PNPLA3: variants seen among roughly 807,000 people sequenced by gnomAD.
The protein encoded by PNPLA3 is patatin like domain 3, 1-acylglycerol-3-phosphate O-acyltransferase, also known as 1-acylglycerol-3-phosphate O-acyltransferase PNPLA3.
In PNPLA3, 42 loss-of-function variants were observed where a neutral mutation model predicts 43.1. That is an observed-to-expected ratio of 0.97 (90% CI 0.76 to 1.26). The LOEUF is 1.26. Ranked by LOEUF, PNPLA3 falls within the 50% of genes most tolerant of loss-of-function variation. PNPLA3 has a pLI of 0.00. For missense variants in PNPLA3, 647 were observed against 621.4 expected, an observed-to-expected ratio of 1.04 and a Z score of -0.44; for synonymous variants, 272 against 253.6, an observed-to-expected ratio of 1.07 and a Z score of -0.69.
chr22:43,932,796 C>A, intron 3 of PNPLA3, 82 bp from the exon 4 acceptor site: 1 of 1,288,416 alleles, frequency 7.8e-7, no homozygotes, highest in Non-Finnish European at 1.1e-6. Flanking sequence ...GAAGCTCTGC[C>A]CACATGTGAA....
Position 43,923,897 on chromosome 22 carries a change from C to CCCG in PNPLA3, c.-3_-1dup, listed in dbSNP as rs758239071. 24 of 1,500,922 alleles carry CCCG rather than the reference C, an allele frequency of 1.6e-5. No individual in the cohort carries two copies. Among genetic ancestry groups the CCCG allele is most frequent in the South Asian group, 3.8e-5 (3 of 78,014 alleles). 93.0% of individuals were successfully genotyped at this position (1,500,922 alleles called of 1,614,324 possible). A position where few individuals can be genotyped will look rare whatever the true frequency, so the allele number is the denominator to read the frequency against. ...CCCAGATCCTAACCCGCGCCCCCGC[C>CCCG]CCGCCGCCGCCGCCATGTACGACGC... On this transcript the variant is annotated 5_prime_UTR_variant, in exon 1 of 9. Transcript: ENST00000216180.
chr22:43,933,002 A>T lies in PNPLA3; in HGVS notation c.611A>T (p.His204Leu). 4 of 1,614,178 alleles carry T rather than the reference A, an allele frequency of 2.5e-6. No individual in the cohort carries two copies. The highest frequency in any genetic ancestry group is 3.4e-6 in the Non-Finnish European group (4 of 1,180,020). Residue 204 changes from histidine to leucine, a missense_variant, in exon 4 of 9, where the codon CAT becomes CTT. His to Leu is a moderately conservative substitution (Grantham distance 99). Transcript: ENST00000216180. The stretch of plus-strand genomic sequence containing the variant: ...AAAGTCAAGTCCACGAACTTTCTTC[A>T]TGTGGACATCACCAAGCTCAGTCTA... ...CPKVKSTNFL[H>L]VDITKLSLRL...
chr22:43,945,814 G>C (rs2050059314), intron 8 of PNPLA3, among the ~76,000 whole-genome samples: 2 of 152,126 alleles, frequency 1.3e-5, no homozygotes, highest in South Asian at 4.1e-4. Context: ...GGTGACTGGT[G>C]GTCAGTGGTG....
chr22:43,927,886 A>T (rs1263749553), intron 2 of PNPLA3, among the ~76,000 whole-genome samples: 1 of 152,090 alleles, frequency 6.6e-6, no homozygotes, highest in Non-Finnish European at 1.5e-5. Context: ...ATTTCAAATA[A>T]TTCCTCCCTT....
intron 5 of PNPLA3, among the ~76,000 whole-genome samples, chr22:43,936,643 C>G (rs1040650867): frequency 6.6e-6 from 1 of 152,314 alleles, no homozygotes; most frequent in Admixed American, 6.5e-5. Context: ...AGTCTTTTAA[C>G]CTTGCTGTGC....
rs765261217 is a variant in PNPLA3 at position 43,946,737 on chromosome 22, T to TG, written c.*361dup. 1 of 500,762 alleles carries TG rather than the reference T, an allele frequency of 2.0e-6. No homozygotes were observed. The highest frequency in any genetic ancestry group is 3.9e-6 in the Non-Finnish European group (1 of 255,008). 31.0% of individuals were successfully genotyped at this position (500,762 alleles called of 1,614,324 possible). A position where few individuals can be genotyped will look rare whatever the true frequency, so the allele number is the denominator to read the frequency against. Reference sequence around the variant, plus strand: ...GTTTGGATGGGTGGGGGCCTTGTGATGGGGGGTAGGCTGGCCCATGTGTGA... The same window carrying TG: ...GTTTGGATGGGTGGGGGCCTTGTGATGGGGGGGTAGGCTGGCCCATGTGTGA... On this transcript the variant is annotated 3_prime_UTR_variant, in exon 9 of 9. Coordinates refer to ENST00000216180, the MANE Select transcript of PNPLA3 (RefSeq NM_025225.3).
In PNPLA3 at chr22:43,934,604, A is replaced by G; in HGVS notation, c.697-2A>G. ...TAGTCCCCTTGCTTGCTTTGCTCACAGGTGCTGGGAGAGATATGCCTTCGA... is the reference window on the plus strand; with the variant it reads ...TAGTCCCCTTGCTTGCTTTGCTCACGGGTGCTGGGAGAGATATGCCTTCGA... On this transcript the variant is annotated splice_acceptor_variant, in intron 4 of 8. Transcript: ENST00000216180. LOFTEE classifies it high-confidence loss of function. 6.2e-7 allele frequency: 1 copy of G among 1,613,350 alleles called. No homozygotes were observed. The highest frequency in any genetic ancestry group is 8.5e-7 in the Non-Finnish European group (1 of 1,179,330).
intron 2 of PNPLA3, 32 bp from the exon 3 acceptor site, chr22:43,928,792 G>C (rs769339358): frequency 1.3e-6 from 2 of 1,579,000 alleles, no homozygotes; most frequent in Non-Finnish European, 1.7e-6. Flanking sequence ...GGGTGCTCTC[G>C]CCTATAACTT....
At chr22:43,925,422 G>A (rs1056179235) in intron 1 of PNPLA3, among the ~76,000 whole-genome samples, 4 of 152,114 alleles carry the variant, frequency 2.6e-5, no homozygotes, top group Admixed American at 6.5e-5. Context: ...AGGGGCTGGG[G>A]CAAGTAGCAT....
At chr22:43,940,943 A>C (rs1385927699) in intron 7 of PNPLA3, among the ~76,000 whole-genome samples, 1 of 152,122 alleles carries the variant, frequency 6.6e-6, no homozygotes, top group Non-Finnish European at 1.5e-5. Flanking sequence ...GTTCAAGACC[A>C]GCCTGGCCAA....
intron 4 of PNPLA3, among the ~76,000 whole-genome samples, chr22:43,933,731 C>T (rs146008282): frequency 1.3e-5 from 2 of 152,322 alleles, no homozygotes; most frequent in Non-Finnish European, 2.9e-5. Context: ...GGTAGTTTAA[C>T]CTTTTTTGAT....
In PNPLA3 at chr22:43,934,232, G is replaced by A. The variant is rs377762329; in HGVS notation, c.697-374G>A. ...CTAGGGAGGCTGAGGCAGGAAAATG[G>A]CTTGAACCTCGGAAGTGGAGGTGGC... On this transcript the variant is annotated intron_variant, in intron 4 of 8. Transcript: ENST00000216180. Among the ~76,000 whole-genome samples, 6 of 151,552 alleles carry A rather than the reference G, an allele frequency of 4.0e-5. No individual in the cohort carries two copies. The South Asian group carries it at 8.4e-4, about 21-fold the overall frequency.
chr22:43,937,396 TCTC>T (rs1603416818), intron 6 of PNPLA3, 124 bp downstream of exon 6: 9 of 852,378 alleles, frequency 1.1e-5, no homozygotes, highest in Middle Eastern at 3.4e-4. Context: ...GTTGGGAACA[TCTC>T]CTTCCATGTG....
Position 43,946,179 on chromosome 22 carries a change from C to A in PNPLA3, c.1243C>A (p.Gln415Lys), listed in dbSNP as rs1410311259. The A allele has an allele frequency of 6.2e-7, 1 of 1,613,918 alleles. No homozygotes were observed. The highest frequency in any genetic ancestry group is 2.2e-5 in the East Asian group (1 of 44,874). Residue 415 changes from glutamine to lysine, a missense_variant, in exon 9 of 9, where the codon CAG becomes AAG. Transcript: ENST00000216180. The stretch of plus-strand genomic sequence containing the variant: ...GTCCCAAATGCCAGTGAGCAGCCAA[C>A]AGGCCTCCCCATGCACACCTGAGCA... The part of the protein sequence containing the change: ...SRSQMPVSSQ[Q>K]ASPCTPEQDW...
intron 1 of PNPLA3, 55 bp from the exon 2 acceptor site, chr22:43,926,880 A>G (rs1450417254): frequency 6.6e-7 from 1 of 1,509,830 alleles, no homozygotes; most frequent in Non-Finnish European, 9.2e-7. Context: ...CCTTGCCAAA[A>G]GTATTACCAT....
chr22:43,931,782 C>G (rs922675724), intron 3 of PNPLA3, among the ~76,000 whole-genome samples: 1 of 152,222 alleles, frequency 6.6e-6, no homozygotes, highest in African/African-American at 2.4e-5. Flanking sequence ...TTCCAAAGTG[C>G]TGGGATTACA....
chr22:43,934,768 C>A, intron 5 of PNPLA3, 102 bp downstream of exon 5: 4 of 1,077,082 alleles, frequency 3.7e-6, no homozygotes, highest in Non-Finnish European at 4.3e-6. Context: ...ACTTAGTGCC[C>A]AACGCCTTCC....
chr22:43,942,364 T>G (rs542164455), intron 7 of PNPLA3, among the ~76,000 whole-genome samples: 4 of 152,224 alleles, frequency 2.6e-5, no homozygotes, highest in Non-Finnish European at 5.9e-5. Flanking sequence ...TTATGTGTGT[T>G]GGGAAACGTG....
chr22:43,938,688 G>A (rs2050011919), intron 6 of PNPLA3, among the ~76,000 whole-genome samples: 1 of 152,212 alleles, frequency 6.6e-6, no homozygotes, highest in African/African-American at 2.4e-5. Context: ...CTCCAACACT[G>A]GGAATTACAA....
Sources: allele counts gnomAD v4.1 joint callset (sites outside exome capture counted in the v4.1 genomes callset), GRCh38; gene constraint gnomAD v4.1.1; transcripts MANE v1.5; gene names NCBI Gene and HGNC (gene_info 2026-07-23, HGNC 2026-07-21).